ASAP1: variants seen among roughly 807,000 people sequenced by gnomAD.
ASAP1 encodes ArfGAP with SH3 domain, ankyrin repeat and PH domain 1, also known as arf-GAP with SH3 domain, ANK repeat and PH domain-containing protein 1.
A neutral mutation model predicts 145.2 loss-of-function variants in ASAP1; 43 were observed. The observed-to-expected ratio is 0.30, with a 90% CI of 0.23 to 0.38. ASAP1 has a LOEUF of 0.38. Among genes scored for constraint, ASAP1 ranks in the 10% least tolerant of loss-of-function variants. The pLI, the probability that ASAP1 is intolerant of heterozygous loss-of-function variation, is 1.00. For missense variants in ASAP1, 1,018 were observed against 1,355.3 expected (o/e 0.75, Z 3.91); for synonymous variants, 546 against 515.5 (o/e 1.06, Z -0.80).
At position 130,105,065 on chromosome 8, in the gene ASAP1, TAAC is replaced by T. The variant is rs1286572818; in HGVS notation, c.2401+7026_2401+7028del. ...CTTTTTTCAATTTATTTTTAATTGA[TAAC>T]ATATATATTTATTATGTATAACATA... On this transcript the variant is annotated intron_variant, in intron 24 of 29. Coordinates refer to ENST00000518721, the MANE Select transcript of ASAP1 (RefSeq NM_018482.4). Among the ~76,000 whole-genome samples the T allele has an allele frequency of 5.3e-5, 8 of 151,378 alleles. No individual in the cohort carries two copies. In the East Asian group the frequency reaches 1.5e-3, roughly 29 times the overall value.
chr8:130,145,098 C>T (rs111932352), intron 13 of ASAP1, among the ~76,000 whole-genome samples: 3,611 of 152,196 alleles, frequency 0.024, 145 homozygotes, highest in African/African-American at 0.081. Context: ...TAGTCATCCA[C>T]GCAGGCATTT....
chr8:130,125,554 T>C (rs1181355973), intron 17 of ASAP1, among the ~76,000 whole-genome samples: 1 of 152,116 alleles, frequency 6.6e-6, no homozygotes, highest in African/African-American at 2.4e-5. Context: ...TTTTACAAAC[T>C]TAGAAATAAT....
chr8:130,127,209 C>T (rs1351407162), intron 16 of ASAP1, among the ~76,000 whole-genome samples: 4 of 152,258 alleles, frequency 2.6e-5, no homozygotes, highest in Middle Eastern at 3.4e-3. Flanking sequence ...GTTGATTTCA[C>T]ATGCACCATT....
intron 5 of ASAP1, among the ~76,000 whole-genome samples, chr8:130,188,953 C>T (rs1251645613): frequency 1.3e-5 from 2 of 151,966 alleles, no homozygotes; most frequent in Non-Finnish European, 2.9e-5. Context: ...ATTTCCTTTT[C>T]ACATTTTTTT....
chr8:130,230,025 C>T (rs1817815651), intron 4 of ASAP1, among the ~76,000 whole-genome samples: 1 of 151,956 alleles, frequency 6.6e-6, no homozygotes, highest in Non-Finnish European at 1.5e-5. Flanking sequence ...GACTGCGTTA[C>T]TGCTCTCCAG....
intron 3 of ASAP1, among the ~76,000 whole-genome samples, chr8:130,241,648 T>C (rs1438787994): frequency 1.3e-5 from 2 of 152,150 alleles, no homozygotes; most frequent in Non-Finnish European, 2.9e-5. Flanking sequence ...CTAATGGTTT[T>C]GAATAAAGTT....
intron 3 of ASAP1, among the ~76,000 whole-genome samples, chr8:130,253,977 C>T (rs1819362881): frequency 6.6e-6 from 1 of 152,056 alleles, no homozygotes; most frequent in African/African-American, 2.4e-5. Flanking sequence ...GCTGAGGTCA[C>T]ACCATTGCAC....
intron 3 of ASAP1, among the ~76,000 whole-genome samples, chr8:130,258,458 C>T (rs989752646): frequency 1.6e-4 from 25 of 152,290 alleles, no homozygotes; most frequent in South Asian, 4.2e-4. Flanking sequence ...CCCTTAAGTC[C>T]CACGGATGTT....
At chr8:130,232,404 G>A (rs1254396678) in intron 4 of ASAP1, among the ~76,000 whole-genome samples, 1 of 152,192 alleles carries the variant, frequency 6.6e-6, no homozygotes, top group African/African-American at 2.4e-5. Context: ...CTTCCTTAAC[G>A]ACAATGTGTT....
intron 24 of ASAP1, among the ~76,000 whole-genome samples, chr8:130,107,427 C>T (rs1176814413): frequency 4.6e-5 from 7 of 150,914 alleles, no homozygotes; most frequent in Non-Finnish European, 5.9e-5. Context: ...CCTCGTGATC[C>T]GCCCGCCTCA....
intron 5 of ASAP1, among the ~76,000 whole-genome samples, chr8:130,214,066 G>C (rs957425926): frequency 2.6e-5 from 4 of 152,254 alleles, no homozygotes; most frequent in African/African-American, 9.6e-5. Flanking sequence ...AAGGATGTGG[G>C]GAGTTGAGGG....
intron 2 of ASAP1, among the ~76,000 whole-genome samples, chr8:130,395,118 G>A (rs905462125): frequency 1.6e-4 from 25 of 152,164 alleles, no homozygotes; most frequent in Non-Finnish European, 2.9e-4. Context: ...AAAAACATCC[G>A]TCTCACTTCC....
intron 3 of ASAP1, among the ~76,000 whole-genome samples, chr8:130,270,823 A>G (rs1042646611): frequency 1.3e-5 from 2 of 152,240 alleles, no homozygotes; most frequent in African/African-American, 4.8e-5. Context: ...TTTAAAAGCC[A>G]TTTCCCTCAT....
chr8:130,300,135 CACACACACACACACACACAG>C (rs1406932511), intron 3 of ASAP1, among the ~76,000 whole-genome samples: 1 of 118,064 alleles, frequency 8.5e-6, no homozygotes, highest in African/African-American at 3.7e-5. Context: ...CACACACACA[CACACACACACACACACACAG>C]AGAGAGAGAG....
chr8:130,207,918 G>C (rs1816327729), intron 5 of ASAP1, among the ~76,000 whole-genome samples: 1 of 152,174 alleles, frequency 6.6e-6, no homozygotes, highest in Admixed American at 6.5e-5. Context: ...AAGGAAGCAG[G>C]ACTGAGGACT....
At chr8:130,359,109 G>A (rs1826567411) in intron 2 of ASAP1, among the ~76,000 whole-genome samples, 2 of 152,208 alleles carry the variant, frequency 1.3e-5, no homozygotes, top group African/African-American at 4.8e-5. Context: ...CCGCTTACAG[G>A]CTGGTTTTGT....
intron 3 of ASAP1, among the ~76,000 whole-genome samples, chr8:130,349,706 T>G (rs1399761934): frequency 2.0e-5 from 3 of 152,180 alleles, no homozygotes; most frequent in Non-Finnish European, 4.4e-5. Context: ...CTCATTTGCC[T>G]CCCCTTCTTC....
chr8:130,431,400 A>G (rs1830129715), intron 1 of ASAP1, among the ~76,000 whole-genome samples: 1 of 152,180 alleles, frequency 6.6e-6, no homozygotes, highest in Non-Finnish European at 1.5e-5. Flanking sequence ...CTCTGACCTC[A>G]ACACATCCTA....
chr8:130,126,851 A>G (rs112291639), intron 16 of ASAP1, among the ~76,000 whole-genome samples: 2,111 of 152,332 alleles, frequency 0.014, 25 homozygotes, highest in Non-Finnish European at 0.022. Flanking sequence ...CAAAAAAGGT[A>G]TATCACAGTG....
Sources: gnomAD v4.1 joint callset for allele counts (sites outside exome capture counted in the v4.1 genomes callset) on GRCh38, gnomAD v4.1.1 for gene constraint, MANE v1.5 for transcripts, NCBI Gene and HGNC (gene_info 2026-07-23, HGNC 2026-07-21) for gene names.